KIF21B: variants seen among roughly 807,000 people sequenced by gnomAD.
The protein encoded by KIF21B is kinesin-like protein KIF21B.
KIF21B carries 85 observed loss-of-function variants against 192.9 expected under a neutral mutation model. The ratio of observed to expected loss-of-function variants is 0.44; its 90% CI spans 0.37 to 0.53. The LOEUF is 0.53. Ranked by LOEUF, KIF21B falls within the 20% of genes least tolerant of loss-of-function variation. KIF21B has a pLI of 0.00. For missense variants in KIF21B, 1,716 were observed against 2,194.8 expected, an observed-to-expected ratio of 0.78 and a Z score of 4.36; for synonymous variants, 832 against 884.6, an observed-to-expected ratio of 0.94 and a Z score of 1.05.
In KIF21B at chr1:200,975,728, C is replaced by A; in HGVS notation, c.4444-59G>T. The A allele has an allele frequency of 1.3e-6, 2 of 1,509,584 alleles. No homozygotes were observed. The highest frequency in any genetic ancestry group is 1.8e-6 in the Non-Finnish European group (2 of 1,119,522). 93.5% of individuals were successfully genotyped at this position (1,509,584 alleles called of 1,614,324 possible). On this transcript the variant is annotated intron_variant, in intron 32 of 34. Transcript: ENST00000461742. This position sits in a 1 kb window ranked among gnomAD's most constrained non-coding sequence, Gnocchi z 4.3. ...GTGGGAGGATGGAAGGCAGGGCCTA[C>A]AGCACTGTGGACCCAGAGGCCTGAA...
rs1655158211 is a variant in KIF21B at position 200,970,463 on chromosome 1, G to A, written c.*3058C>T. On this transcript the variant is annotated 3_prime_UTR_variant, in exon 35 of 35. Transcript: ENST00000461742. The stretch of plus-strand genomic sequence containing the variant: ...GGCTTGGGTGTGCCAGGCTCCGCCT[G>A]TTAATCTTTCCTCCTTCCTTGGAAA... 6.6e-6 allele frequency: 1 copy of A among 152,530 alleles called. No homozygotes were observed. The highest frequency in any genetic ancestry group is 1.5e-5 in the Non-Finnish European group (1 of 68,088). 9.4% of individuals were successfully genotyped at this position (152,530 alleles called of 1,614,324 possible).
At position 200,982,945 on chromosome 1, in the gene KIF21B, C is replaced by T. The variant is rs1571917689; in HGVS notation, c.3842+111G>A. The stretch of plus-strand genomic sequence containing the variant: ...GCAGCAGGAAGGGGAGTGGAGGGGC[C>T]GCATGCTGAGGACACGGGTGTCAGG... On this transcript the variant is annotated intron_variant, in intron 28 of 34. Transcript: ENST00000461742. The surrounding 1 kb of genome is among the most constrained non-coding windows in gnomAD (Gnocchi z 4.7). 15 of 941,872 alleles carry T rather than the reference C, an allele frequency of 1.6e-5. No homozygotes were observed. In the East Asian group the frequency reaches 2.4e-4, roughly 15 times the overall value. 58.3% of individuals were successfully genotyped at this position (941,872 alleles called of 1,614,324 possible). A position where few individuals can be genotyped will look rare whatever the true frequency, so the allele number is the denominator to read the frequency against.
intron 27 of KIF21B, among the ~76,000 whole-genome samples, chr1:200,983,505 C>T (rs2102393738): frequency 6.6e-6 from 1 of 152,306 alleles, no homozygotes; most frequent in East Asian, 1.9e-4. Flanking sequence ...GAAGCCATGC[C>T]TGATCCTACC....
At position 200,970,003 on chromosome 1, in the gene KIF21B, C is replaced by A. The variant is rs142990738; in HGVS notation, c.*3518G>T. ...AGGGACACATACCACAGGTCCGGGA[C>A]ACACAGTGGGAAGAAAGTCACTGCT... On this transcript the variant is annotated 3_prime_UTR_variant, in exon 35 of 35. Transcript: ENST00000461742. The A allele has an allele frequency of 6.5e-6, 1 of 152,680 alleles. No individual in the cohort carries two copies. Among genetic ancestry groups the A allele is most frequent in the Non-Finnish European group, 1.5e-5 (1 of 68,170 alleles). The allele number at this position is 152,680 out of a possible 1,614,324, so 9.5% of individuals were successfully genotyped here.
At chr1:200,992,180 G>A (rs2102415080) in intron 16 of KIF21B, 102 bp downstream of exon 16, 1 of 942,294 alleles carries the variant, frequency 1.1e-6, no homozygotes, top group South Asian at 1.5e-5. Context: ...TTAGGACAGT[G>A]GAGACTGAGG....
chr1:200,975,512 T>C lies in KIF21B; in HGVS notation c.4601A>G (p.Gln1534Arg). ...NGIKKWDLDQQELIQQIPNAH... is the reference protein window; with the variant it reads ...NGIKKWDLDQRELIQQIPNAH... Reference sequence around the variant, plus strand: ...TCCTGACCCCACCTGGATGAGCTCCTGCTGGTCTAGGTCCCACTTCTTGAT... The same window carrying C: ...TCCTGACCCCACCTGGATGAGCTCCCGCTGGTCTAGGTCCCACTTCTTGAT... The change falls in exon 33 of 35, where the codon CAG becomes CGG. Residue 1534 changes from glutamine (Q) to arginine (R), a missense_variant. This residue lies in a region of KIF21B where 580 missense variants were observed against 775.5 expected (regional missense o/e 0.75). Coordinates refer to ENST00000461742, the MANE Select transcript of KIF21B (RefSeq NM_001252102.2). This position sits in a 1 kb window ranked among gnomAD's most constrained non-coding sequence, Gnocchi z 4.3. 1 of 1,611,884 alleles carries C rather than the reference T, an allele frequency of 6.2e-7. No individual in the cohort carries two copies. Among genetic ancestry groups the C allele is most frequent in the Non-Finnish European group, 8.5e-7 (1 of 1,178,330 alleles).
At chr1:200,973,983 A>G in intron 34 of KIF21B, 1 of 1,550,248 alleles carries the variant, frequency 6.5e-7, no homozygotes, top group South Asian at 1.2e-5. Context: ...AGGAAGAAGA[A>G]GGAGTAAAAT....
chr1:201,015,109 C>T (rs1341112752), intron 1 of KIF21B, among the ~76,000 whole-genome samples: 1 of 152,198 alleles, frequency 6.6e-6, no homozygotes, highest in African/African-American at 2.4e-5. Flanking sequence ...CCTTAATTTA[C>T]AAATGAGAGC....
Position 201,011,555 on chromosome 1 carries a change from C to T in KIF21B, c.42-2067G>A, listed in dbSNP as rs530611262. 3.3e-5 allele frequency among the ~76,000 whole-genome samples: 5 copies of T among 152,318 alleles called. No individual in the cohort carries two copies. In the East Asian group the frequency reaches 9.6e-4, roughly 29 times the overall value. ...AGGGGGAAAGAACATCTCATATATG[C>T]AGGGAGAGAGAGCAAGAGCAACCTT... is the stretch of plus-strand genomic sequence containing the variant. On this transcript the variant is annotated intron_variant, in intron 1 of 34. Transcript: ENST00000461742.
At chr1:201,020,553 T>C (rs1259942844) in intron 1 of KIF21B, among the ~76,000 whole-genome samples, 8 of 152,120 alleles carry the variant, frequency 5.3e-5, no homozygotes, top group African/African-American at 1.7e-4. Context: ...CAGGGACAGA[T>C]GGGCCAGATT....
chr1:201,012,043 G>T (rs948327673), intron 1 of KIF21B, among the ~76,000 whole-genome samples: 1 of 152,192 alleles, frequency 6.6e-6, no homozygotes, highest in Non-Finnish European at 1.5e-5. Flanking sequence ...AGAACAGTCT[G>T]GGGGAGAGGA....
At chr1:201,004,638 C>A in intron 6 of KIF21B, 128 bp downstream of exon 6, 2 of 1,273,050 alleles carry the variant, frequency 1.6e-6, no homozygotes, top group Non-Finnish European at 2.2e-6. Context: ...AGGGGTGACG[C>A]CTGAGAGTGA....
Position 200,984,913 on chromosome 1 carries a change from C to T in KIF21B, c.3749G>A (p.Arg1250His), listed in dbSNP as rs766609365. 1.1e-5 allele frequency: 18 copies of T among 1,606,810 alleles called. No individual in the cohort carries two copies. Among genetic ancestry groups the T allele is most frequent in the East Asian group, 6.9e-5 (3 of 43,792 alleles). ...ACTGGTGAGACGAGAGAAGACATTG[C>T]GGTCATTGCGGGGCCGAGTGGGAGG... is the stretch of plus-strand genomic sequence containing the variant. ...SSPPTRPRND[R>H]NVFSRLTSNQ... Residue 1250 changes from arginine to histidine, a missense_variant, in exon 27 of 35, where the codon CGC (arginine) becomes CAC (histidine). Physicochemically the swap from Arg to His is conservative, Grantham distance 29 (BLOSUM62 0). This residue lies in a region of KIF21B where 580 missense variants were observed against 775.5 expected (regional missense o/e 0.75). Coordinates refer to ENST00000461742, the MANE Select transcript of KIF21B (RefSeq NM_001252102.2).
At chr1:201,022,911 G>T (rs1382080866) in intron 1 of KIF21B, among the ~76,000 whole-genome samples, 1 of 152,332 alleles carries the variant, frequency 6.6e-6, no homozygotes, top group East Asian at 1.9e-4. Flanking sequence ...TGCTGCCTTT[G>T]CTAGCTGGAC....
chr1:201,003,943 A>C (rs1317966090), intron 7 of KIF21B, among the ~76,000 whole-genome samples, 162 bp from the exon 8 acceptor site: 2 of 152,180 alleles, frequency 1.3e-5, no homozygotes, highest in African/African-American at 4.8e-5. Context: ...GAGCTGGACC[A>C]TCTGGCCAGG....
At chr1:201,004,569 G>A (rs769869997) in intron 6 of KIF21B, 114 bp from the exon 7 acceptor site, 5 of 1,147,864 alleles carry the variant, frequency 4.4e-6, no homozygotes, top group Non-Finnish European at 6.3e-6. Context: ...CAGCCCTCTT[G>A]CTCCTTGGGT....
Position 200,998,587 on chromosome 1 carries a change from C to T in KIF21B, c.1886-12G>A, listed in dbSNP as rs199976697. The T allele has an allele frequency of 9.5e-5, 153 of 1,611,288 alleles. No homozygotes were observed. Among genetic ancestry groups the T allele is most frequent in the Admixed American group, 6.5e-4 (39 of 59,974 alleles). On this transcript the variant is annotated splice_polypyrimidine_tract_variant and intron_variant, in intron 13 of 34. Coordinates refer to ENST00000461742, the MANE Select transcript of KIF21B (RefSeq NM_001252102.2). This position sits in a 1 kb window ranked among gnomAD's most constrained non-coding sequence, Gnocchi z 4.3. ...CTGGAAGTTCACCTCTATGGGGGCA[C>T]AATCAGGCTCAGCCCAGCGTTAGGG...
rs1658598568 is a variant in KIF21B at position 201,017,964 on chromosome 1, G to T, written c.41+5379C>A. ...TGGAGCTTCACATAGGGATTGAGGT[G>T]GGTGGATCTCTGGGGCCAAGGAAGA... On this transcript the variant is annotated intron_variant, in intron 1 of 34. Coordinates refer to ENST00000461742, the MANE Select transcript of KIF21B (RefSeq NM_001252102.2). This position sits in a 1 kb window ranked among gnomAD's most constrained non-coding sequence, Gnocchi z 4.1. Among the ~76,000 whole-genome samples the T allele has an allele frequency of 6.6e-6, 1 of 152,130 alleles. No individual in the cohort carries two copies. Among genetic ancestry groups the T allele is most frequent in the Non-Finnish European group, 1.5e-5 (1 of 68,010 alleles).
At chr1:200,997,174 C>G (rs960191236) in intron 14 of KIF21B, among the ~76,000 whole-genome samples, 1 of 152,164 alleles carries the variant, frequency 6.6e-6, no homozygotes, top group African/African-American at 2.4e-5. Flanking sequence ...TTTGGTATCA[C>G]GTAGCTCTCT....
Sources: gnomAD v4.1 joint callset for allele counts (sites outside exome capture counted in the v4.1 genomes callset) on GRCh38, gnomAD v4.1.1 for gene constraint, gnomAD v4.1.1 regional missense constraint, Gnocchi (gnomAD v3.1) non-coding constraint, MANE v1.5 for transcripts, NCBI Gene and HGNC (gene_info 2026-07-23, HGNC 2026-07-21) for gene names.